The following ESYT2 variants were observed in gnomAD, a reference collection of about 807,000 sequenced individuals.
ESYT2 encodes extended synaptotagmin 2.
ESYT2 carries 54 observed loss-of-function variants against 107.2 expected under a neutral mutation model. The observed-to-expected ratio is 0.50, with a 90% CI of 0.40 to 0.63. The LOEUF (loss-of-function observed/expected upper bound fraction) is 0.63. ESYT2 is among the 30% of genes least tolerant of loss of function. The pLI is 0.00. For synonymous variants in ESYT2, 491 were observed against 434.1 expected (o/e 1.13, Z -1.63); for missense variants, 1,020 against 1,094.5 (o/e 0.93, Z 0.96).
chr7:158,813,897 G>C (rs9638067), intron 1 of ESYT2, among the ~76,000 whole-genome samples: 1 of 148,838 alleles, frequency 6.7e-6, no homozygotes. Context: ...TCCTCGTCCC[G>C]ATGACTCTCA....
rs760584908 is a variant in ESYT2, at chr7:158,741,835, C to T, written c.1856G>A (p.Arg619His). ...CCTCCCCTCTTTGGACACAGAGGGA[C>T]GTTTGACTTGAGCTGAGTGTTGGTG... ...PDHQHSAQVK[R>H]PSVSKEGRKT... Residue 619 changes from arginine (R) to histidine (H), a missense_variant, in exon 18 of 23, where the codon CGT (arginine) becomes CAT (histidine). By Grantham distance (29) the Arg-to-His change is conservative. Transcript: ENST00000275418. 1.4e-5 allele frequency: 22 copies of T among 1,613,750 alleles called. No homozygotes were observed. Among genetic ancestry groups the T allele is most frequent in the Admixed American group, 8.3e-5 (5 of 59,986 alleles).
chr7:158,828,398 G>A (rs915208534), intron 1 of ESYT2, among the ~76,000 whole-genome samples: 1 of 152,264 alleles, frequency 6.6e-6, no homozygotes, highest in East Asian at 1.9e-4. Flanking sequence ...GGCCGCTCAG[G>A]CCCCTAAGGA....
chr7:158,798,914 C>T, intron 2 of ESYT2, 117 bp downstream of exon 2: 1 of 935,562 alleles, frequency 1.1e-6, no homozygotes, highest in Non-Finnish European at 1.7e-6. Context: ...AGAAGCCAAC[C>T]CACTAAAGTC....
intron 1 of ESYT2, among the ~76,000 whole-genome samples, chr7:158,806,468 G>A (rs759141204): frequency 1.9e-4 from 29 of 152,112 alleles, no homozygotes; most frequent in African/African-American, 2.7e-4. Flanking sequence ...TAGTGCATGC[G>A]TGAAATATTA....
Position 158,795,582 on chromosome 7 carries a change from G to A in ESYT2, c.508-1856C>T, listed in dbSNP as rs138993631. Reference sequence around the variant, plus strand: ...GACAGCAGGACAATGCAGCCCCTGCGGCCACGTACAGACAGAGCATGCAGC... The same window carrying A: ...GACAGCAGGACAATGCAGCCCCTGCAGCCACGTACAGACAGAGCATGCAGC... On this transcript the variant is annotated intron_variant, in intron 3 of 22. Transcript: ENST00000275418. Among the ~76,000 whole-genome samples, 412 of 116,286 alleles carry A rather than the reference G, an allele frequency of 3.5e-3. 2 individuals are homozygous for A. The highest frequency in any genetic ancestry group is 4.6e-3 in the Non-Finnish European group (251 of 54,426). The allele number at this position is 116,286 out of a possible 152,430, so 76.3% of individuals were successfully genotyped here. A position where few individuals can be genotyped will look rare whatever the true frequency, so the allele number is the denominator to read the frequency against.
chr7:158,781,669 G>A (rs1189211), intron 6 of ESYT2, among the ~76,000 whole-genome samples: 123,244 of 151,820 alleles, frequency 0.81, 50,797 homozygotes, highest in Non-Finnish European at 0.89. Context: ...GAGAACAAGT[G>A]TGAGTGAACG....
intron 16 of ESYT2, among the ~76,000 whole-genome samples, chr7:158,745,605 C>G (rs921189040): frequency 6.6e-6 from 1 of 152,018 alleles, no homozygotes; most frequent in East Asian, 1.9e-4. Flanking sequence ...GGCCATAAAG[C>G]CGGTCTCAAA....
chr7:158,824,988 G>A (rs543881041), intron 1 of ESYT2, among the ~76,000 whole-genome samples: 2 of 152,166 alleles, frequency 1.3e-5, no homozygotes, highest in Admixed American at 6.5e-5. Flanking sequence ...AGCGAGAACC[G>A]CCTCTCTTTA....
In ESYT2 at chr7:158,781,019, TGAGA is replaced by T. The variant is rs1418163989; in HGVS notation, c.747+6981_747+6984del. Among the ~76,000 whole-genome samples the T allele has an allele frequency of 5.3e-5, 8 of 152,156 alleles. No individual in the cohort carries two copies. In the East Asian group the frequency reaches 9.7e-4, roughly 18 times the overall value. On this transcript the variant is annotated intron_variant, in intron 6 of 22. Coordinates refer to ENST00000275418, the MANE Select transcript of ESYT2 (RefSeq NM_001367773.1). The stretch of plus-strand genomic sequence containing the variant: ...CAGAGAACTAATGTGAGAATGAGCG[TGAGA>T]AAGAAAATAAGTGTGAGAATATGTG...
chr7:158,792,902 G>C (rs1839349285), intron 4 of ESYT2, among the ~76,000 whole-genome samples: 1 of 151,322 alleles, frequency 6.6e-6, no homozygotes, highest in Non-Finnish European at 1.5e-5. Context: ...CCGAGTAGCT[G>C]GGACTACAGG....
rs151147256 is a variant in ESYT2, at chr7:158,795,516, G to A, written c.508-1790C>T. 3.9e-5 allele frequency among the ~76,000 whole-genome samples: 6 copies of A among 152,334 alleles called. No homozygotes were observed. In the East Asian group the frequency reaches 9.6e-4, roughly 24 times the overall value. ...ACTCTACAGCCCTGGAGCTAGTATGGTTTTCACCTGGCTAAAGGGCTGTAG... is the reference window on the plus strand; with the variant it reads ...ACTCTACAGCCCTGGAGCTAGTATGATTTTCACCTGGCTAAAGGGCTGTAG... On this transcript the variant is annotated intron_variant, in intron 3 of 22. Transcript: ENST00000275418.
At chr7:158,737,945 T>C (rs1200348596) in intron 19 of ESYT2, among the ~76,000 whole-genome samples, 2 of 152,178 alleles carry the variant, frequency 1.3e-5, no homozygotes, top group Admixed American at 6.5e-5. Context: ...TTTATACTTA[T>C]TAATATAACA....
In ESYT2 at chr7:158,829,161, G is replaced by C; in HGVS notation, c.258C>G (p.Arg86=). The C allele has an allele frequency of 6.4e-7, 1 of 1,553,622 alleles. No individual in the cohort carries two copies. Among genetic ancestry groups the C allele is most frequent in the African/African-American group, 1.4e-5 (1 of 72,388 alleles). The change falls in exon 1 of 23, where the codon CGC becomes CGG. Residue 86 remains arginine, a synonymous_variant. Transcript: ENST00000275418. ...CCTCGTCTTCCAGCAGCGCCAGCGC[G>C]CGGCACAGGCGCAGGGCCTTGAGGC... The part of the protein sequence containing the change: ...SRGLKALRLC[R]ALALLEDEER...
In ESYT2 at chr7:158,743,683, A is replaced by C. The variant is rs764578080; in HGVS notation, c.1645-5T>G. 2 of 1,607,628 alleles carry C rather than the reference A, an allele frequency of 1.2e-6. No individual in the cohort carries two copies. Among genetic ancestry groups the C allele is most frequent in the Non-Finnish European group, 1.7e-6 (2 of 1,178,262 alleles). On this transcript the variant is annotated splice_region_variant and splice_polypyrimidine_tract_variant and intron_variant, in intron 16 of 22. Transcript: ENST00000275418. ...CTGGTGCTGCTCGTCTCTGACCTGC[A>C]AAACACAGGGTGGAAACACTGGCAT...
At chr7:158,806,776 G>T (rs879865188) in intron 1 of ESYT2, among the ~76,000 whole-genome samples, 9 of 152,168 alleles carry the variant, frequency 5.9e-5, no homozygotes, top group Admixed American at 5.9e-4. Flanking sequence ...AAATTAAAAT[G>T]AGTCCAAGAA....
At chr7:158,735,447 T>G in intron 21 of ESYT2, 56 bp downstream of exon 21, 1 of 1,472,042 alleles carries the variant, frequency 6.8e-7, no homozygotes. Context: ...GCACTGCAGG[T>G]AAATGTTCAA....
chr7:158,782,851 C>G (rs1232533129), intron 6 of ESYT2, among the ~76,000 whole-genome samples: 1 of 151,656 alleles, frequency 6.6e-6, no homozygotes, highest in Non-Finnish European at 1.5e-5. Context: ...TGTGAAAGAA[C>G]AAGTGAGAGA....
Position 158,813,729 on chromosome 7 carries a change from A to C in ESYT2, c.331-14657T>G, listed in dbSNP as rs956367637. Among the ~76,000 whole-genome samples the C allele has an allele frequency of 6.6e-5, 10 of 152,272 alleles. No individual in the cohort carries two copies. The South Asian group carries it at 2.1e-3, about 32-fold the overall frequency. ...AAGGAAACAAAGACCAAGGGAGAGC[A>C]CCTCTGTTCCTCGTCCCGATGACTC... On this transcript the variant is annotated intron_variant, in intron 1 of 22. Transcript: ENST00000275418.
At chr7:158,738,327 ATACACACACACACACAGACACAC>A (rs1837046560) in intron 19 of ESYT2, among the ~76,000 whole-genome samples, 3 of 105,504 alleles carry the variant, frequency 2.8e-5, no homozygotes, top group African/African-American at 1.1e-4. Flanking sequence ...AAAAAAAAAA[ATACACACACACACACAGACACAC>A]ACACACACAC....
Sources: allele counts gnomAD v4.1 joint callset (sites outside exome capture counted in the v4.1 genomes callset), GRCh38; gene constraint gnomAD v4.1.1; transcripts MANE v1.5; gene names NCBI Gene and HGNC (gene_info 2026-07-23, HGNC 2026-07-21).